Variants in ADK observed in about 807,000 individuals in gnomAD.
ADK encodes the protein N6,N6-dimethyladenosine kinase.
Under a neutral mutation model 44.7 loss-of-function variants are expected in ADK, and 24 were observed. That is an observed-to-expected ratio of 0.54 (90% CI 0.39 to 0.76). The LOEUF (loss-of-function observed/expected upper bound fraction) is 0.76. Ranked by LOEUF, ADK falls within the 30% of genes least tolerant of loss-of-function variation. The pLI is 0.00. For synonymous variants in ADK, 128 were observed against 142.6 expected, an observed-to-expected ratio of 0.90 and a Z score of 0.73; for missense variants, 321 against 425.1, an observed-to-expected ratio of 0.76 and a Z score of 2.15.
intron 3 of ADK, among the ~76,000 whole-genome samples, chr10:74,263,658 G>A (rs749118137): frequency 1.2e-4 from 18 of 152,078 alleles, no homozygotes; most frequent in Non-Finnish European, 2.4e-4. Flanking sequence ...GTTCACTGGT[G>A]TTCCAGTTTT....
intron 8 of ADK, among the ~76,000 whole-genome samples, chr10:74,598,842 A>G (rs779926639): frequency 6.6e-6 from 1 of 152,180 alleles, no homozygotes; most frequent in African/African-American, 2.4e-5. Context: ...TGCTTTCAAG[A>G]TGATGAAGTG....
intron 4 of ADK, among the ~76,000 whole-genome samples, chr10:74,360,099 T>C (rs1842287298): frequency 6.6e-6 from 1 of 152,186 alleles, no homozygotes; most frequent in Non-Finnish European, 1.5e-5. Flanking sequence ...CATGTACCGA[T>C]GAGAAGAATG....
intron 4 of ADK, among the ~76,000 whole-genome samples, chr10:74,388,151 C>G (rs184655612): frequency 6.6e-6 from 1 of 152,332 alleles, no homozygotes; most frequent in Non-Finnish European, 1.5e-5. Context: ...AGGTGATCTG[C>G]CTGCCTCGGC....
intron 10 of ADK, among the ~76,000 whole-genome samples, chr10:74,706,114 A>C (rs1350139591): frequency 6.6e-6 from 1 of 152,152 alleles, no homozygotes; most frequent in Non-Finnish European, 1.5e-5. Context: ...CGGGCAGATT[A>C]CTTGAGCCCA....
At chr10:74,207,091 T>C (rs112698823) in intron 2 of ADK, among the ~76,000 whole-genome samples, 4,855 of 152,214 alleles carry the variant, frequency 0.032, 274 homozygotes, top group African/African-American at 0.11. Context: ...CTGGCTGCTG[T>C]GGTGGGGTGG....
intron 10 of ADK, among the ~76,000 whole-genome samples, chr10:74,694,718 G>A (rs923800948): frequency 1.3e-5 from 2 of 152,186 alleles, no homozygotes; most frequent in African/African-American, 4.8e-5. Context: ...CTGGGCTCAA[G>A]CAATTCTCCT....
intron 6 of ADK, among the ~76,000 whole-genome samples, chr10:74,479,329 T>C (rs1457494672): frequency 6.6e-6 from 1 of 152,006 alleles, no homozygotes; most frequent in South Asian, 2.1e-4. Flanking sequence ...CAGCTTCTGT[T>C]TTCTACTATT....
intron 3 of ADK, among the ~76,000 whole-genome samples, chr10:74,257,185 G>T (rs1845855870): frequency 9.0e-6 from 1 of 111,114 alleles, no homozygotes; most frequent in African/African-American, 3.6e-5. Flanking sequence ...GTGGTTCCAG[G>T]ACCCAAGTCT....
At chr10:74,637,323 GA>G (rs556819150) in intron 9 of ADK, among the ~76,000 whole-genome samples, 5 of 148,730 alleles carry the variant, frequency 3.4e-5, no homozygotes, top group African/African-American at 7.4e-5. Context: ...AACTTTAAAA[GA>G]AAAAAAAATG....
At chr10:74,218,127 T>A (rs1018861438) in intron 2 of ADK, among the ~76,000 whole-genome samples, 3 of 151,824 alleles carry the variant, frequency 2.0e-5, no homozygotes, top group African/African-American at 7.3e-5. Context: ...TTGAAAAAAA[T>A]TTAAACGAAT....
At chr10:74,190,982 T>TC (rs913562544) in intron 1 of ADK, among the ~76,000 whole-genome samples, 3 of 32,044 alleles carry the variant, frequency 9.4e-5, no homozygotes, top group Non-Finnish European at 3.5e-4. Flanking sequence ...TATTTTTGAC[T>TC]TTTTTTTTTT....
At chr10:74,626,402 C>A (rs566016525) in intron 9 of ADK, among the ~76,000 whole-genome samples, 1 of 151,284 alleles carries the variant, frequency 6.6e-6, no homozygotes, top group Non-Finnish European at 1.5e-5. Flanking sequence ...TGAGTTCAAG[C>A]GATTCTCCTG....
intron 4 of ADK, among the ~76,000 whole-genome samples, chr10:74,317,037 T>A (rs1840647733): frequency 6.6e-6 from 1 of 152,226 alleles, no homozygotes; most frequent in East Asian, 1.9e-4. Flanking sequence ...CATACTTTCA[T>A]GTATCAAGTG....
At chr10:74,582,556 G>T (rs1851407295) in intron 7 of ADK, among the ~76,000 whole-genome samples, 2 of 152,236 alleles carry the variant, frequency 1.3e-5, no homozygotes, top group South Asian at 4.1e-4. Flanking sequence ...AACTCTCCTT[G>T]CTAGAATAGA....
intron 1 of ADK, chr10:74,174,479 T>A (rs1842262292): frequency 6.6e-6 from 1 of 151,986 alleles, no homozygotes; most frequent in African/African-American, 2.4e-5. Flanking sequence ...CATAAAGAAA[T>A]GCAAAATTTT....
At chr10:74,427,333 G>T (rs1267740436) in intron 6 of ADK, among the ~76,000 whole-genome samples, 1 of 152,026 alleles carries the variant, frequency 6.6e-6, no homozygotes, top group Non-Finnish European at 1.5e-5. Flanking sequence ...CGAGTAGCTG[G>T]GACTATAGGT....
intron 7 of ADK, among the ~76,000 whole-genome samples, chr10:74,581,021 TACACACACACACAC>T (rs143153735): frequency 5.5e-5 from 8 of 145,348 alleles, no homozygotes; most frequent in African/African-American, 1.8e-4. Flanking sequence ...CAATAATAAA[TACACACACACACAC>T]ACACACACAC....
chr10:74,171,223 G>A (rs1017920098), intron 1 of ADK, among the ~76,000 whole-genome samples: 2 of 152,098 alleles, frequency 1.3e-5, no homozygotes, highest in African/African-American at 2.4e-5. Flanking sequence ...GAATAACTGG[G>A]TATACAAATC....
intron 4 of ADK, among the ~76,000 whole-genome samples, chr10:74,380,232 G>C (rs1842936920): frequency 6.6e-6 from 1 of 152,170 alleles, no homozygotes; most frequent in Non-Finnish European, 1.5e-5. Context: ...CAAGTAACAG[G>C]ATGGTACCTG....
Sources: allele counts gnomAD v4.1 joint callset (sites outside exome capture counted in the v4.1 genomes callset), GRCh38; gene constraint gnomAD v4.1.1; transcripts MANE v1.5; gene names NCBI Gene and HGNC (gene_info 2026-07-23, HGNC 2026-07-21).